Variants in SNRPN observed in about 807,000 individuals in gnomAD.
The protein encoded by SNRPN is small nuclear ribonucleoprotein-associated protein N.
A neutral mutation model predicts 25.2 loss-of-function variants in SNRPN; 7 were observed. That is an observed-to-expected ratio of 0.28 (90% CI 0.16 to 0.52). The LOEUF (loss-of-function observed/expected upper bound fraction) is 0.52. SNRPN is among the 20% of genes least tolerant of loss of function. SNRPN has a pLI of 0.96. For missense variants in SNRPN, 196 were observed against 322.5 expected (o/e 0.61, Z 3.00); for synonymous variants, 124 against 110.6 (o/e 1.12, Z -0.76).
chr15:24,933,247 G>C (rs1952344113), intron 3 of SNRPN, among the ~76,000 whole-genome samples: 1 of 151,980 alleles, frequency 6.6e-6, no homozygotes, highest in Admixed American at 6.6e-5. Context: ...GCGACAGAAT[G>C]AGACCCTGTC....
Position 24,882,622 on chromosome 15 carries a change from C to T in SNRPN, c.-578-3894C>T, listed in dbSNP as rs1171760736. ...CAGGTGGATCATGAGGTCAGGAGTT[C>T]GAGACCAGCCTGACCAACATGGTTA... On this transcript the variant is annotated intron_variant, in intron 1 of 11. Transcript: ENST00000400097. Among the ~76,000 whole-genome samples, 4 of 151,906 alleles carry T rather than the reference C, an allele frequency of 2.6e-5. No homozygotes were observed. In the South Asian group the frequency reaches 6.2e-4, roughly 24 times the overall value.
At chr15:24,833,326 A>G (rs1266650497) in intron 2 of SNRPN, among the ~76,000 whole-genome samples, 1 of 151,942 alleles carries the variant, frequency 6.6e-6, no homozygotes, top group East Asian at 1.9e-4. Context: ...CTGGAATGCT[A>G]GTAGTAAAAT....
intron 1 of SNRPN, among the ~76,000 whole-genome samples, chr15:24,958,486 G>GTTT (rs71127030): frequency 0.033 from 2,120 of 65,228 alleles, 253 homozygotes; most frequent in South Asian, 0.053. Flanking sequence ...CTGGCTCAAA[G>GTTT]TTTTTTTTTT....
chr15:24,886,113 G>A (rs1308697664), intron 1 of SNRPN, among the ~76,000 whole-genome samples: 2 of 152,128 alleles, frequency 1.3e-5, no homozygotes, highest in African/African-American at 2.4e-5. Flanking sequence ...GTAAAATGCA[G>A]TTTTAACAAG....
chr15:24,903,131 G>C (rs1351231384), intron 2 of SNRPN, among the ~76,000 whole-genome samples: 1 of 152,164 alleles, frequency 6.6e-6, no homozygotes, highest in Non-Finnish European at 1.5e-5. Context: ...AGCCCAGCTG[G>C]CTTCACCTCT....
rs139106207 is a variant in SNRPN at position 24,970,301 on chromosome 15, C to T, written c.-144+2219C>T. Among the ~76,000 whole-genome samples the T allele has an allele frequency of 1.1e-4, 17 of 152,232 alleles. No homozygotes were observed. The East Asian group carries it at 1.9e-3, about 17-fold the overall frequency. ...TAAGAAAATAAACTATTAATGTGGC[C>T]GGGTGTGGTGGCTCACGCCTGTCAT... On this transcript the variant is annotated intron_variant, in intron 3 of 9. Coordinates refer to ENST00000390687, the MANE Select transcript of SNRPN (RefSeq NM_003097.6).
intron 2 of SNRPN, among the ~76,000 whole-genome samples, chr15:24,965,743 C>CT (rs1377003720): frequency 1.3e-5 from 2 of 152,030 alleles, no homozygotes; most frequent in Non-Finnish European, 1.5e-5. Context: ...ATTCTGCACT[C>CT]TATGAATTAA....
intron 3 of SNRPN, 181 bp downstream of exon 3, chr15:24,968,263 CA>C (rs2075939881): frequency 4.0e-6 from 2 of 503,136 alleles, no homozygotes; most frequent in African/African-American, 3.9e-5. Context: ...ACACTTTCGT[CA>C]TGTTTCTGTA....
intron 2 of SNRPN, among the ~76,000 whole-genome samples, chr15:24,898,153 G>A (rs2058193087): frequency 6.6e-6 from 1 of 151,902 alleles, no homozygotes; most frequent in South Asian, 2.1e-4. Context: ...TGTGGGAGAA[G>A]CACTTGGAAA....
At chr15:24,894,281 T>C (rs11161157) in intron 2 of SNRPN, among the ~76,000 whole-genome samples, 93,436 of 151,318 alleles carry the variant, frequency 0.62, 28,908 homozygotes, top group South Asian at 0.65. Flanking sequence ...CGCAGTGGTG[T>C]GATCTCGGCT....
upstream of SNRPN, chr15:24,954,919 A>T: frequency 7.3e-7 from 1 of 1,368,462 alleles, no homozygotes; most frequent in Non-Finnish European, 1.0e-6. Flanking sequence ...GCGGCCGCAG[A>T]GGCAGGCTGG....
intron 2 of SNRPN, among the ~76,000 whole-genome samples, chr15:24,900,936 A>G (rs1190864004): frequency 1.3e-5 from 2 of 152,062 alleles, no homozygotes; most frequent in African/African-American, 4.8e-5. Flanking sequence ...ATCTACAAAA[A>G]ATAAATAAAT....
At chr15:24,876,827 G>A (rs996350571) in intron 1 of SNRPN, among the ~76,000 whole-genome samples, 2 of 152,076 alleles carry the variant, frequency 1.3e-5, no homozygotes, top group African/African-American at 4.8e-5. Flanking sequence ...TTGAGGTAGA[G>A]AATGGGAATG....
In SNRPN at chr15:24,978,458, C is replaced by T; in HGVS notation, c.*14C>T. 1 of 1,611,380 alleles carries T rather than the reference C, an allele frequency of 6.2e-7. No individual in the cohort carries two copies. Among genetic ancestry groups the T allele is most frequent in the Non-Finnish European group, 8.5e-7 (1 of 1,178,292 alleles). ...CCAAGACCTTAGCATACTGTTGATC[C>T]ATCTCAGTCACTTTTTCCCCTGCAA... On this transcript the variant is annotated 3_prime_UTR_variant, in exon 10 of 10. Coordinates refer to ENST00000390687, the MANE Select transcript of SNRPN (RefSeq NM_003097.6).
intron 8 of SNRPN, 80 bp downstream of exon 8, chr15:24,977,996 C>A: frequency 1.4e-6 from 2 of 1,382,454 alleles, no homozygotes; most frequent in Non-Finnish European, 2.0e-6. Context: ...AGCCTGAGAG[C>A]CTAAGAATTT....
intron 1 of SNRPN, among the ~76,000 whole-genome samples, chr15:24,878,235 G>A (rs1046024945): frequency 1.3e-5 from 2 of 152,194 alleles, no homozygotes; most frequent in African/African-American, 2.4e-5. Context: ...TTTCCGTGGC[G>A]GGTCTAGGGC....
chr15:24,951,234 T>G (rs2062247221), upstream of SNRPN, among the ~76,000 whole-genome samples: 1 of 152,170 alleles, frequency 6.6e-6, no homozygotes. Context: ...TTAACATTTG[T>G]AAGCATTGCC....
At position 24,914,907 on chromosome 15, in the gene SNRPN, A is replaced by G. The variant is rs550240634; in HGVS notation, c.-504-5104A>G. 7.5e-4 allele frequency among the ~76,000 whole-genome samples: 114 copies of G among 152,156 alleles called. 3 individuals are homozygous for G. Among genetic ancestry groups the G allele is most frequent in the Non-Finnish European group, 1.3e-3 (86 of 68,008 alleles). On this transcript the variant is annotated intron_variant, in intron 2 of 11. Transcript: ENST00000400097. Reference sequence around the variant, plus strand: ...GATCATGGGAAAAAGGGACGTTATAACCAAGAAGCAGGGTTGGGGTGTAGT... The same window carrying G: ...GATCATGGGAAAAAGGGACGTTATAGCCAAGAAGCAGGGTTGGGGTGTAGT...
upstream of SNRPN, among the ~76,000 whole-genome samples, chr15:24,853,330 C>T (rs1195882839): frequency 6.6e-6 from 1 of 152,098 alleles, no homozygotes; most frequent in Non-Finnish European, 1.5e-5. Context: ...GCTTCATAAG[C>T]TGTTGACACT....
Sources: gnomAD v4.1 joint callset for allele counts (sites outside exome capture counted in the v4.1 genomes callset) on GRCh38, gnomAD v4.1.1 for gene constraint, MANE v1.5 for transcripts, NCBI Gene and HGNC (gene_info 2026-07-23, HGNC 2026-07-21) for gene names.